MAPK8: variants seen among roughly 807,000 people sequenced by gnomAD.
MAPK8 encodes the protein JUN N-terminal kinase.
A neutral mutation model predicts 52.9 loss-of-function variants in MAPK8; 13 were observed. That is an observed-to-expected ratio of 0.25 (90% confidence interval 0.16 to 0.39). The LOEUF is 0.39. Among genes scored for constraint, MAPK8 ranks in the 10% least tolerant of loss-of-function variants. The pLI is 1.00. For missense variants in MAPK8, 300 were observed against 519.2 expected, an observed-to-expected ratio of 0.58 and a Z score of 4.10; for synonymous variants, 191 against 169.8, an observed-to-expected ratio of 1.12 and a Z score of -0.97.
chr10:48,382,014 T>C (rs2132739085), intron 1 of MAPK8, among the ~76,000 whole-genome samples: 1 of 152,248 alleles, frequency 6.6e-6, no homozygotes, highest in East Asian at 1.9e-4. Context: ...GTGAAGATAA[T>C]GTCTGACTCT....
Position 48,426,247 on chromosome 10 carries a change from TC to T in MAPK8, c.872-132del, listed in dbSNP as rs1463209897. On this transcript the variant is annotated intron_variant, in intron 8 of 11. Coordinates refer to ENST00000374189, the MANE Select transcript of MAPK8 (RefSeq NM_001323329.2). Reference sequence around the variant, plus strand: ...TTTTCTTTAATCTTATATATTTTAATCATATGTATAAGATAATTTTACAGTA... The same window carrying T: ...TTTTCTTTAATCTTATATATTTTAATATATGTATAAGATAATTTTACAGTA... 2.9e-5 allele frequency: 25 copies of T among 855,092 alleles called. No homozygotes were observed. The Admixed American group carries it at 5.3e-4, about 18-fold the overall frequency. 53.0% of individuals were successfully genotyped at this position (855,092 alleles called of 1,614,324 possible). A position where few individuals can be genotyped will look rare whatever the true frequency, so the allele number is the denominator to read the frequency against.
chr10:48,372,827 A>G (rs1314103060), intron 1 of MAPK8, among the ~76,000 whole-genome samples: 1 of 152,166 alleles, frequency 6.6e-6, no homozygotes. Flanking sequence ...TATCCAGGAG[A>G]AGTTCCCCAA....
chr10:48,411,991 C>T (rs1400213314), intron 5 of MAPK8, among the ~76,000 whole-genome samples: 3 of 151,922 alleles, frequency 2.0e-5, no homozygotes, highest in Admixed American at 1.3e-4. Context: ...ATTACAGGGG[C>T]CTGCCCCCAC....
chr10:48,326,809 T>C (rs1356531655), intron 1 of MAPK8, among the ~76,000 whole-genome samples: 2 of 152,154 alleles, frequency 1.3e-5, no homozygotes, highest in Non-Finnish European at 1.5e-5. Context: ...TTTCCTCCAA[T>C]AGCGGGAAAC....
At chr10:48,394,350 A>C (rs1038444909) in intron 1 of MAPK8, among the ~76,000 whole-genome samples, 9 of 151,940 alleles carry the variant, frequency 5.9e-5, no homozygotes, top group African/African-American at 2.2e-4. Context: ...ATCTTCAATG[A>C]AATTTTAGCT....
intron 3 of MAPK8, among the ~76,000 whole-genome samples, chr10:48,405,799 C>A (rs1328092571): frequency 6.6e-6 from 1 of 152,118 alleles, no homozygotes; most frequent in Non-Finnish European, 1.5e-5. Context: ...GAGCACAGTA[C>A]CTTCTGACTA....
At chr10:48,309,657 C>A (rs1841778880) in intron 1 of MAPK8, among the ~76,000 whole-genome samples, 1 of 152,166 alleles carries the variant, frequency 6.6e-6, no homozygotes, top group South Asian at 2.1e-4. Flanking sequence ...AATGACTAGT[C>A]CCCAACTATC....
chr10:48,376,721 T>C (rs532839062), intron 1 of MAPK8, among the ~76,000 whole-genome samples: 15 of 152,058 alleles, frequency 9.9e-5, no homozygotes, highest in African/African-American at 3.6e-4. Flanking sequence ...CATTAAAAAA[T>C]CAGGAAACAG....
chr10:48,380,675 G>C (rs1303361726), intron 1 of MAPK8, among the ~76,000 whole-genome samples: 2 of 152,218 alleles, frequency 1.3e-5, no homozygotes, highest in Non-Finnish European at 2.9e-5. Flanking sequence ...GGAGGTTGCA[G>C]TGAGCCAAGA....
At chr10:48,315,480 A>G (rs941388122) in intron 1 of MAPK8, among the ~76,000 whole-genome samples, 8 of 152,254 alleles carry the variant, frequency 5.3e-5, no homozygotes, top group African/African-American at 1.9e-4. Context: ...TGACAGCTTT[A>G]TGATGTACCT....
At chr10:48,392,796 C>G (rs1249607556) in intron 1 of MAPK8, among the ~76,000 whole-genome samples, 1 of 151,990 alleles carries the variant, frequency 6.6e-6, no homozygotes, top group Non-Finnish European at 1.5e-5. Flanking sequence ...CCATTTACTC[C>G]TCTTTATCTA....
chr10:48,315,581 T>G (rs1252739603), intron 1 of MAPK8, among the ~76,000 whole-genome samples: 3 of 149,380 alleles, frequency 2.0e-5, no homozygotes, highest in Non-Finnish European at 4.4e-5. Context: ...AAATTTTTTT[T>G]TGCTGTTTTA....
intron 1 of MAPK8, among the ~76,000 whole-genome samples, chr10:48,388,426 A>G (rs2041437587): frequency 6.6e-6 from 1 of 152,192 alleles, no homozygotes; most frequent in Non-Finnish European, 1.5e-5. Flanking sequence ...GAGATTTGGT[A>G]TCAAGTCCTT....
At chr10:48,364,749 C>G (rs942527811) in intron 1 of MAPK8, among the ~76,000 whole-genome samples, 4 of 152,140 alleles carry the variant, frequency 2.6e-5, no homozygotes, top group African/African-American at 9.7e-5. Flanking sequence ...ATGGCAGAAA[C>G]ATTTGTAATA....
chr10:48,356,841 C>CAAAAAAAAA (rs869186711), intron 1 of MAPK8, among the ~76,000 whole-genome samples: 2 of 30,278 alleles, frequency 6.6e-5, no homozygotes, highest in Non-Finnish European at 1.3e-4. Context: ...GACTCCGTCT[C>CAAAAAAAAA]AAAAAAAAAA....
chr10:48,367,208 A>G (rs960729356), intron 1 of MAPK8, among the ~76,000 whole-genome samples: 3 of 151,966 alleles, frequency 2.0e-5, no homozygotes, highest in African/African-American at 7.3e-5. Flanking sequence ...CATCTATACA[A>G]TTTTAAAATT....
rs769657154 is a variant in MAPK8 at position 48,401,655 on chromosome 10, G to A, written c.-6G>A. 1.9e-6 allele frequency: 3 copies of A among 1,609,836 alleles called. No homozygotes were observed. In the South Asian group the frequency reaches 3.3e-5, roughly 18 times the overall value. On this transcript the variant is annotated 5_prime_UTR_variant, in exon 2 of 12. Coordinates refer to ENST00000374189, the MANE Select transcript of MAPK8 (RefSeq NM_001323329.2). ...GATGAAGCCATTAAATTAATTGCTT[G>A]CCATCATGAGCAGAAGCAAGCGTGA... is the stretch of plus-strand genomic sequence containing the variant.
chr10:48,414,108 T>C (rs2042931356), intron 5 of MAPK8, among the ~76,000 whole-genome samples: 1 of 151,864 alleles, frequency 6.6e-6, no homozygotes, highest in Admixed American at 6.6e-5. Flanking sequence ...CAAACACTAA[T>C]CTACTTTCTG....
intron 1 of MAPK8, among the ~76,000 whole-genome samples, chr10:48,347,017 G>A (rs541634701): frequency 3.3e-5 from 5 of 152,134 alleles, no homozygotes; most frequent in Non-Finnish European, 5.9e-5. Context: ...ACCGGTCTCC[G>A]CGCATTGGTG....
Sources: gnomAD v4.1 joint callset for allele counts (sites outside exome capture counted in the v4.1 genomes callset) on GRCh38, gnomAD v4.1.1 for gene constraint, MANE v1.5 for transcripts, NCBI Gene and HGNC (gene_info 2026-07-23, HGNC 2026-07-21) for gene names.